Variants in KCND3 observed in about 807,000 individuals in gnomAD.
The protein encoded by KCND3 is potassium voltage-gated channel subfamily D member 3.
In KCND3, 9 loss-of-function variants were observed where a neutral mutation model predicts 51.1. That is an observed-to-expected ratio of 0.18 (90% CI 0.11 to 0.31). The LOEUF (loss-of-function observed/expected upper bound fraction) is 0.31. KCND3 is among the 10% of genes least tolerant of loss of function. The probability of loss-of-function intolerance (pLI) is 1.00; values close to 1 mark genes in which losing one functional copy is unlikely to be tolerated. For missense variants in KCND3, 526 were observed against 903.8 expected (o/e 0.58, Z 5.36); for synonymous variants, 349 against 368.0 (o/e 0.95, Z 0.59).
intron 2 of KCND3, among the ~76,000 whole-genome samples, chr1:111,802,710 CA>C (rs1478574689): frequency 6.6e-6 from 1 of 152,198 alleles, no homozygotes; most frequent in Non-Finnish European, 1.5e-5. Flanking sequence ...GAGCCTGTAG[CA>C]GGACTAAATG....
At chr1:111,868,499 C>T (rs1461945371) in intron 2 of KCND3, among the ~76,000 whole-genome samples, 1 of 152,158 alleles carries the variant, frequency 6.6e-6, no homozygotes, top group African/African-American at 2.4e-5. Context: ...GGGCTCAGTA[C>T]TACCCGTGGT....
intron 2 of KCND3, among the ~76,000 whole-genome samples, chr1:111,913,954 T>G (rs1442592087): frequency 1.3e-5 from 2 of 151,336 alleles, no homozygotes; most frequent in Non-Finnish European, 2.9e-5. Flanking sequence ...AGAAAAAAGA[T>G]AACTAATAAG....
At chr1:111,885,676 ATT>A (rs879429845) in intron 2 of KCND3, among the ~76,000 whole-genome samples, 3 of 143,482 alleles carry the variant, frequency 2.1e-5, no homozygotes, top group Admixed American at 7.0e-5. Flanking sequence ...ACATTTTGTG[ATT>A]TTTTTTTTTT....
At chr1:111,898,559 G>A (rs1346446656) in intron 2 of KCND3, among the ~76,000 whole-genome samples, 3 of 152,196 alleles carry the variant, frequency 2.0e-5, no homozygotes, top group South Asian at 4.1e-4. Flanking sequence ...CTGGCACAAG[G>A]AGACTTTCAG....
chr1:111,855,010 G>T (rs939816267), intron 2 of KCND3, among the ~76,000 whole-genome samples: 11 of 152,162 alleles, frequency 7.2e-5, no homozygotes, highest in Admixed American at 3.3e-4. Context: ...CCACTCTGTG[G>T]CTTCGTCAGT....
At chr1:111,946,247 G>A (rs1366854335) in intron 2 of KCND3, among the ~76,000 whole-genome samples, 1 of 152,188 alleles carries the variant, frequency 6.6e-6, no homozygotes, top group East Asian at 1.9e-4. Flanking sequence ...GCATAGGGAG[G>A]GTTGGGGGAA....
chr1:111,926,958 C>T (rs1191462872), intron 2 of KCND3, among the ~76,000 whole-genome samples: 1 of 152,190 alleles, frequency 6.6e-6, no homozygotes, highest in Non-Finnish European at 1.5e-5. Context: ...TTCACTCCTT[C>T]ATTTATCTTC....
intron 2 of KCND3, among the ~76,000 whole-genome samples, chr1:111,871,357 T>A (rs554296560): frequency 6.6e-6 from 1 of 152,090 alleles, no homozygotes; most frequent in African/African-American, 2.4e-5. Flanking sequence ...AAGGAGTGAA[T>A]CATGGATGAG....
At chr1:111,822,730 T>C (rs1228734853) in intron 2 of KCND3, among the ~76,000 whole-genome samples, 1 of 152,226 alleles carries the variant, frequency 6.6e-6, no homozygotes, top group Non-Finnish European at 1.5e-5. Context: ...TGGGTGTGTA[T>C]ACCACCAGAA....
chr1:111,977,273 T>G (rs1016198607), intron 2 of KCND3, among the ~76,000 whole-genome samples: 1 of 152,198 alleles, frequency 6.6e-6, no homozygotes, highest in Admixed American at 6.5e-5. Context: ...TGGCTCCACT[T>G]CTGGCACTGT....
intron 2 of KCND3, among the ~76,000 whole-genome samples, chr1:111,890,340 C>T (rs1381599812): frequency 2.6e-5 from 4 of 151,972 alleles, no homozygotes; most frequent in Non-Finnish European, 4.4e-5. Context: ...TGGATATGGG[C>T]GTGAGATTAA....
intron 2 of KCND3, among the ~76,000 whole-genome samples, chr1:111,858,997 C>T (rs925691894): frequency 6.6e-5 from 10 of 152,216 alleles, no homozygotes; most frequent in African/African-American, 2.4e-4. Context: ...ACCAGCAGCA[C>T]AATAGCTCTC....
chr1:111,799,686 C>T (rs942739396), intron 2 of KCND3, among the ~76,000 whole-genome samples: 8 of 152,222 alleles, frequency 5.3e-5, no homozygotes, highest in Non-Finnish European at 8.8e-5. Context: ...CATCGCAGAG[C>T]GCAATGAAGT....
intron 1 of KCND3, among the ~76,000 whole-genome samples, chr1:111,986,128 A>G (rs1675268975): frequency 6.6e-6 from 1 of 152,234 alleles, no homozygotes. Context: ...TCTAAGGGGC[A>G]AGGGATGTTT....
At chr1:111,946,201 C>T (rs1465705400) in intron 2 of KCND3, among the ~76,000 whole-genome samples, 1 of 152,122 alleles carries the variant, frequency 6.6e-6, no homozygotes, top group Non-Finnish European at 1.5e-5. Flanking sequence ...GTACAGTGGA[C>T]ACACAAAGCA....
chr1:111,847,557 T>A (rs1221431872), intron 2 of KCND3, among the ~76,000 whole-genome samples: 3 of 152,146 alleles, frequency 2.0e-5, no homozygotes, highest in Non-Finnish European at 4.4e-5. Flanking sequence ...CGTGCCCGCG[T>A]GCATATGTGC....
Position 111,813,900 on chromosome 1 carries a change from A to G in KCND3, c.1107-26794T>C, listed in dbSNP as rs75877583. Among the ~76,000 whole-genome samples the G allele has an allele frequency of 3.3e-5, 5 of 152,248 alleles. No homozygotes were observed. In the East Asian group the frequency reaches 9.7e-4, roughly 29 times the overall value. ...CATAGTATTCAATGAGCTCCTATTC[A>G]TTGTCAGGCACTGTGCTAAGTGCTT... On this transcript the variant is annotated intron_variant, in intron 2 of 7. Coordinates refer to ENST00000302127, the MANE Select transcript of KCND3 (RefSeq NM_001378969.1).
chr1:111,989,127 C>T (rs1675481088), intron 1 of KCND3: 1 of 152,332 alleles, frequency 6.6e-6, no homozygotes, highest in Non-Finnish European at 1.5e-5. Context: ...CAAACCGCTC[C>T]GGGTTTCCAC....
intron 2 of KCND3, among the ~76,000 whole-genome samples, chr1:111,886,496 G>T (rs1461515482): frequency 6.6e-6 from 1 of 152,204 alleles, no homozygotes; most frequent in Non-Finnish European, 1.5e-5. Context: ...ACATTTGAAG[G>T]CTTGTCCTGT....
Sources: allele counts gnomAD v4.1 joint callset (sites outside exome capture counted in the v4.1 genomes callset), GRCh38; gene constraint gnomAD v4.1.1; transcripts MANE v1.5; gene names NCBI Gene and HGNC (gene_info 2026-07-23, HGNC 2026-07-21).